NTNG1: variants seen among roughly 807,000 people sequenced by gnomAD.
NTNG1 encodes the protein netrin-G1.
Under a neutral mutation model 54.0 loss-of-function variants are expected in NTNG1, and 16 were observed. The ratio of observed to expected loss-of-function variants is 0.30; its 90% CI spans 0.20 to 0.45. NTNG1 has a LOEUF of 0.45. Among genes scored for constraint, NTNG1 ranks in the 20% least tolerant of loss-of-function variants. The probability of loss-of-function intolerance (pLI) is 1.00; values close to 1 mark genes in which losing one functional copy is unlikely to be tolerated. For missense variants in NTNG1, 530 were observed against 678.7 expected, an observed-to-expected ratio of 0.78 and a Z score of 2.43; for synonymous variants, 255 against 263.1, an observed-to-expected ratio of 0.97 and a Z score of 0.30.
chr1:107,425,727 C>A (rs1674866022), intron 5 of NTNG1, among the ~76,000 whole-genome samples: 1 of 152,052 alleles, frequency 6.6e-6, no homozygotes, highest in Non-Finnish European at 1.5e-5. Context: ...AATGACAGTT[C>A]TATTTTTAGT....
intron 3 of NTNG1, among the ~76,000 whole-genome samples, chr1:107,357,166 G>C (rs1176949880): frequency 6.6e-6 from 1 of 152,128 alleles, no homozygotes; most frequent in Non-Finnish European, 1.5e-5. Flanking sequence ...TGACAATTGT[G>C]TCCATGGATT....
chr1:107,221,404 G>C (rs559822707), intron 2 of NTNG1, among the ~76,000 whole-genome samples: 1 of 152,266 alleles, frequency 6.6e-6, no homozygotes, highest in South Asian at 2.1e-4. Context: ...ACAAAGACAG[G>C]TTAAGTGTTG....
intron 2 of NTNG1, among the ~76,000 whole-genome samples, chr1:107,257,879 A>C (rs1344345279): frequency 6.6e-6 from 1 of 152,190 alleles, no homozygotes; most frequent in Non-Finnish European, 1.5e-5. Context: ...CTACATTTCC[A>C]CATTAATAAT....
At chr1:107,146,366 A>G (rs913944132) in intron 1 of NTNG1, among the ~76,000 whole-genome samples, 3 of 152,062 alleles carry the variant, frequency 2.0e-5, no homozygotes, top group Admixed American at 1.3e-4. Flanking sequence ...CAGTTGAAAA[A>G]TTCATCTCAA....
Position 107,373,233 on chromosome 1 carries a change from C to T in NTNG1, c.888-21921C>T, listed in dbSNP as rs1183178082. Among the ~76,000 whole-genome samples the T allele has an allele frequency of 2.0e-5, 3 of 151,836 alleles. No individual in the cohort carries two copies. In the East Asian group the frequency reaches 5.8e-4, roughly 29 times the overall value. On this transcript the variant is annotated intron_variant, in intron 3 of 7. Coordinates refer to ENST00000370068, the MANE Select transcript of NTNG1 (RefSeq NM_001113226.3). ...CCTTTATATCTCCTTTGTTGGCTTA[C>T]TAGTCATTTTTCATTTTTTTAACTT...
intron 2 of NTNG1, among the ~76,000 whole-genome samples, chr1:107,246,106 C>A (rs980596687): frequency 2.6e-5 from 4 of 152,090 alleles, no homozygotes; most frequent in African/African-American, 9.7e-5. Context: ...GGCTGGAGTA[C>A]AGTGGTGTGA....
intron 2 of NTNG1, among the ~76,000 whole-genome samples, chr1:107,149,360 A>G (rs1485845473): frequency 2.0e-5 from 3 of 152,158 alleles, no homozygotes; most frequent in African/African-American, 7.2e-5. Context: ...CAAGAAAAAA[A>G]GTAGAGGAGA....
intron 3 of NTNG1, among the ~76,000 whole-genome samples, chr1:107,332,658 A>G (rs766230041): frequency 9.9e-5 from 15 of 152,084 alleles, no homozygotes; most frequent in South Asian, 2.1e-4. Context: ...TATGTGATCA[A>G]TGGTTCAGTA....
rs187930992 is a variant in NTNG1 at position 107,195,298 on chromosome 1, G to A, written c.246+46459G>A. On this transcript the variant is annotated intron_variant, in intron 2 of 7. Coordinates refer to ENST00000370068, the MANE Select transcript of NTNG1 (RefSeq NM_001113226.3). ...TTATTCTCAAAAGGTATTCAGAATC[G>A]TACAATTTTTTTCACCTGCATGCTG... 3.3e-5 allele frequency among the ~76,000 whole-genome samples: 5 copies of A among 151,938 alleles called. No homozygotes were observed. The East Asian group carries it at 9.7e-4, about 30-fold the overall frequency.
intron 5 of NTNG1, among the ~76,000 whole-genome samples, chr1:107,429,331 G>C (rs1259785077): frequency 1.3e-5 from 2 of 152,042 alleles, no homozygotes; most frequent in Admixed American, 6.6e-5. Context: ...GAACTTTTCT[G>C]ATGAGTGGTA....
At chr1:107,210,683 T>C (rs1433325827) in intron 2 of NTNG1, among the ~76,000 whole-genome samples, 3 of 152,128 alleles carry the variant, frequency 2.0e-5, no homozygotes, top group Non-Finnish European at 4.4e-5. Context: ...TTACTTCAGG[T>C]GATTAAAAAA....
chr1:107,412,842 A>G (rs1673921518), intron 5 of NTNG1, among the ~76,000 whole-genome samples: 1 of 152,216 alleles, frequency 6.6e-6, no homozygotes, highest in Non-Finnish European at 1.5e-5. Flanking sequence ...ACAGTTTGTG[A>G]AATTAGCTAT....
At chr1:107,296,658 TTA>T (rs1374417291) in intron 2 of NTNG1, among the ~76,000 whole-genome samples, 1 of 147,912 alleles carries the variant, frequency 6.8e-6, no homozygotes, top group African/African-American at 2.5e-5. Flanking sequence ...TTATTTACAT[TTA>T]TATATAACAT....
Position 107,321,825 on chromosome 1 carries a change from A to G in NTNG1, c.247-2457A>G, listed in dbSNP as rs570836284. 9.9e-4 allele frequency among the ~76,000 whole-genome samples: 150 copies of G among 152,196 alleles called. 1 individual carries two copies. The highest frequency in any genetic ancestry group is 3.4e-3 in the African/African-American group (141 of 41,544). ...ATCCTGTTTCTACAACAGGGCTACA[A>G]CAGAGGGAACTCCAGTGACTTGGGA... On this transcript the variant is annotated intron_variant, in intron 2 of 7. Coordinates refer to ENST00000370068, the MANE Select transcript of NTNG1 (RefSeq NM_001113226.3).
chr1:107,195,213 A>G (rs1392068525), intron 2 of NTNG1, among the ~76,000 whole-genome samples: 1 of 151,982 alleles, frequency 6.6e-6, no homozygotes, highest in African/African-American at 2.4e-5. Context: ...CTTGATCTGT[A>G]AAATGAAGAT....
intron 2 of NTNG1, among the ~76,000 whole-genome samples, chr1:107,288,431 C>T (rs1024822088): frequency 8.6e-5 from 13 of 151,552 alleles, no homozygotes; most frequent in African/African-American, 3.2e-4. Flanking sequence ...CAAACGGAAG[C>T]CAAGAAATAT....
At chr1:107,223,346 G>A (rs1443838324) in intron 2 of NTNG1, among the ~76,000 whole-genome samples, 1 of 152,038 alleles carries the variant, frequency 6.6e-6, no homozygotes, top group Non-Finnish European at 1.5e-5. Context: ...CATGTGGTAT[G>A]ACAAGTCAGT....
At chr1:107,419,410 GAAAAAGA>G (rs150143080) in intron 5 of NTNG1, among the ~76,000 whole-genome samples, 8 of 149,784 alleles carry the variant, frequency 5.3e-5, no homozygotes, top group South Asian at 2.1e-4. Flanking sequence ...TGTCAAAGAA[GAAAAAGA>G]AAAAAGAAAA....
At chr1:107,395,644 C>G (rs1672640230) in intron 4 of NTNG1, among the ~76,000 whole-genome samples, 2 of 152,100 alleles carry the variant, frequency 1.3e-5, no homozygotes, top group South Asian at 2.1e-4. Flanking sequence ...ATTAAAATAT[C>G]AAAGGCCTTG....
Sources: allele counts gnomAD v4.1 joint callset (sites outside exome capture counted in the v4.1 genomes callset), GRCh38; gene constraint gnomAD v4.1.1; transcripts MANE v1.5; gene names NCBI Gene and HGNC (gene_info 2026-07-23, HGNC 2026-07-21).